Variants in NEBL observed in about 807,000 individuals in gnomAD.
NEBL encodes the protein nebulette, also known as LIM and SH3 protein 2.
In NEBL, 122 loss-of-function variants were observed where a neutral mutation model predicts 140.2. The observed-to-expected ratio is 0.87, with a 90% CI of 0.75 to 1.01. The LOEUF (loss-of-function observed/expected upper bound fraction) is 1.01. NEBL is among the 50% of genes least tolerant of loss of function. The pLI is 0.00. For synonymous variants in NEBL, 436 were observed against 398.9 expected, an observed-to-expected ratio of 1.09 and a Z score of -1.11; for missense variants, 1,365 against 1,231.3, an observed-to-expected ratio of 1.11 and a Z score of -1.62.
chr10:21,217,030 A>G (rs1842002669), intron 3 of NEBL, among the ~76,000 whole-genome samples: 1 of 152,030 alleles, frequency 6.6e-6, no homozygotes, highest in Non-Finnish European at 1.5e-5. Flanking sequence ...TTACTAAACT[A>G]CTACCATAGG....
intron 3 of NEBL, among the ~76,000 whole-genome samples, chr10:20,964,219 C>T (rs1040307569): frequency 6.6e-6 from 1 of 151,250 alleles, no homozygotes; most frequent in African/African-American, 2.4e-5. Context: ...TGATAGATCT[C>T]GGGAGGGCCA....
rs181397661 is a variant in NEBL at position 21,127,530 on chromosome 10, T to C, written c.164+44853A>G. 1.2e-4 allele frequency among the ~76,000 whole-genome samples: 18 copies of C among 150,644 alleles called. No individual in the cohort carries two copies. The East Asian group carries it at 2.0e-3, about 16-fold the overall frequency. ...TCTCCCAATGAGATATACTGGAAAGTACATAGCACCAACTATACAGCAATC... is the reference window on the plus strand; with the variant it reads ...TCTCCCAATGAGATATACTGGAAAGCACATAGCACCAACTATACAGCAATC... On this transcript the variant is annotated intron_variant, in intron 2 of 6. Transcript: ENST00000417816.
Position 20,785,672 on chromosome 10 carries a change from A to G in NEBL, c.*75T>C. 1 of 1,512,830 alleles carries G rather than the reference A, an allele frequency of 6.6e-7. No homozygotes were observed. The highest frequency in any genetic ancestry group is 9.0e-7 in the Non-Finnish European group (1 of 1,109,222). 93.7% of individuals were successfully genotyped at this position (1,512,830 alleles called of 1,614,324 possible). ...GTAAAATAATGGCCAAGTTGTCTTA[A>G]AAGTATCTTCTATCTTTTAAAAAGA... On this transcript the variant is annotated 3_prime_UTR_variant, in exon 28 of 28. Transcript: ENST00000377122.
intron 2 of NEBL, among the ~76,000 whole-genome samples, chr10:21,132,889 A>G (rs1839177728): frequency 6.6e-6 from 1 of 152,226 alleles, no homozygotes; most frequent in African/African-American, 2.4e-5. Context: ...GTTCTTTATC[A>G]GAAGAATGAT....
At chr10:20,809,783 A>G in intron 25 of NEBL, 23 bp downstream of exon 25, 1 of 1,515,650 alleles carries the variant, frequency 6.6e-7, no homozygotes, top group Non-Finnish European at 9.2e-7. Context: ...CATAAATGGG[A>G]TGAACTAAAA....
intron 2 of NEBL, among the ~76,000 whole-genome samples, chr10:20,893,797 C>A (rs751343208): frequency 4.6e-5 from 7 of 152,184 alleles, no homozygotes; most frequent in Non-Finnish European, 5.9e-5. Context: ...CAGAAAACTA[C>A]AGATTAGATC....
chr10:21,146,424 T>C (rs1314230048), intron 2 of NEBL: 1 of 1,613,550 alleles, frequency 6.2e-7, no homozygotes, highest in Non-Finnish European at 8.5e-7. Flanking sequence ...CTCTCTCTCA[T>C]ATAAGCTAGA....
chr10:21,181,429 A>G (rs1445651542), intron 3 of NEBL, among the ~76,000 whole-genome samples: 1 of 152,154 alleles, frequency 6.6e-6, no homozygotes, highest in Non-Finnish European at 1.5e-5. Context: ...GCTATCATAT[A>G]CTGTCGGTAA....
intron 2 of NEBL, among the ~76,000 whole-genome samples, chr10:21,097,382 C>G (rs1014311116): frequency 6.6e-6 from 1 of 152,014 alleles, no homozygotes; most frequent in African/African-American, 2.4e-5. Flanking sequence ...TCACTTGAAC[C>G]CGGGAGGTGG....
At chr10:21,239,239 T>C (rs1259673118) in intron 3 of NEBL, among the ~76,000 whole-genome samples, 3 of 152,068 alleles carry the variant, frequency 2.0e-5, no homozygotes, top group Non-Finnish European at 4.4e-5. Context: ...GCAAACATAG[T>C]GCATTTTACT....
At chr10:20,873,847 A>G (rs1401671912) in intron 5 of NEBL, among the ~76,000 whole-genome samples, 1 of 152,194 alleles carries the variant, frequency 6.6e-6, no homozygotes. Flanking sequence ...TCATAACAAA[A>G]TGTCAGTCTT....
At chr10:21,108,160 C>T (rs1042962801) in intron 2 of NEBL, among the ~76,000 whole-genome samples, 4 of 152,100 alleles carry the variant, frequency 2.6e-5, no homozygotes, top group Non-Finnish European at 2.9e-5. Context: ...TCTCTATCTC[C>T]TTCAGTTCTG....
chr10:21,162,600 T>A lies in NEBL; in HGVS notation c.164+9783A>T, dbSNP rs1472858505. ...TTCAAGGAGCAAAGCTCTTGCAGGC[T>A]GACTTGACCTCGCCTATCCCAACTC... On this transcript the variant is annotated intron_variant, in intron 2 of 6. Transcript: ENST00000417816. 7.2e-5 allele frequency among the ~76,000 whole-genome samples: 11 copies of A among 152,346 alleles called. 5 individuals are homozygous for A. Among genetic ancestry groups the A allele is most frequent in the Admixed American group, 7.2e-4 (11 of 15,304 alleles).
intron 3 of NEBL, among the ~76,000 whole-genome samples, chr10:20,985,248 G>A (rs1837211284): frequency 6.6e-6 from 1 of 152,156 alleles, no homozygotes; most frequent in African/African-American, 2.4e-5. Flanking sequence ...CCGCTATGGT[G>A]AAGAAAATGC....
intron 4 of NEBL, among the ~76,000 whole-genome samples, chr10:20,956,356 T>C (rs1455457461): frequency 6.6e-6 from 1 of 152,202 alleles, no homozygotes; most frequent in Non-Finnish European, 1.5e-5. Context: ...ATATGTGTTA[T>C]TGCCCTATCA....
At chr10:20,808,409 G>A (rs183089627) in intron 26 of NEBL, 101 bp downstream of exon 26, 3 of 1,209,538 alleles carry the variant, frequency 2.5e-6, no homozygotes, top group Non-Finnish European at 3.6e-6. Flanking sequence ...AATACAGCCA[G>A]GATAGATGTT....
At chr10:21,031,318 A>T (rs1833775618) in intron 2 of NEBL, among the ~76,000 whole-genome samples, 1 of 152,220 alleles carries the variant, frequency 6.6e-6, no homozygotes, top group Non-Finnish European at 1.5e-5. Flanking sequence ...CCAGAGCTGC[A>T]GAAGCCCAAG....
Position 20,783,392 on chromosome 10 carries a change from T to TA in NEBL, c.*2354dup, listed in dbSNP as rs1835155614. ...TAAATTCTGATCAGATCTTAATTCC[T>TA]AAAGGCTTGAAGCAGAAATATTTTG... On this transcript the variant is annotated 3_prime_UTR_variant, in exon 28 of 28. Transcript: ENST00000377122. 1.3e-5 allele frequency: 2 copies of TA among 152,170 alleles called. 1 individual carries two copies. The highest frequency in any genetic ancestry group is 2.9e-5 in the Non-Finnish European group (2 of 68,014). 9.4% of individuals were successfully genotyped at this position (152,170 alleles called of 1,614,324 possible).
At chr10:21,204,900 A>T (rs1218827096) in intron 3 of NEBL, among the ~76,000 whole-genome samples, 12 of 152,200 alleles carry the variant, frequency 7.9e-5, no homozygotes, top group Non-Finnish European at 2.9e-5. Context: ...ATTCTGGGGC[A>T]GCAGACGTGG....
Sources: gnomAD v4.1 joint callset for allele counts (sites outside exome capture counted in the v4.1 genomes callset) on GRCh38, gnomAD v4.1.1 for gene constraint, MANE v1.5 for transcripts, NCBI Gene and HGNC (gene_info 2026-07-23, HGNC 2026-07-21) for gene names.